Variants in RBMS3 observed in about 807,000 individuals in gnomAD.
RBMS3 encodes the protein RNA binding motif single stranded interacting protein 3.
Under a neutral mutation model 66.8 loss-of-function variants are expected in RBMS3, and 27 were observed. The observed-to-expected ratio is 0.40, with a 90% CI of 0.30 to 0.56. The LOEUF (loss-of-function observed/expected upper bound fraction) is 0.56, where lower values mean the gene tolerates loss of function less well. Among genes scored for constraint, RBMS3 ranks in the 20% least tolerant of loss-of-function variants. The probability of loss-of-function intolerance (pLI) is 0.40; values close to 1 mark genes in which losing one functional copy is unlikely to be tolerated. For synonymous variants in RBMS3, 188 were observed against 183.0 expected (o/e 1.03, Z -0.22); for missense variants, 513 against 549.5 (o/e 0.93, Z 0.66).
intron 1 of RBMS3, among the ~76,000 whole-genome samples, chr3:29,399,866 T>C (rs1442389705): frequency 6.6e-6 from 1 of 152,150 alleles, no homozygotes; most frequent in African/African-American, 2.4e-5. Context: ...CTAATTGTAT[T>C]TGTCACAGAT....
intron 4 of RBMS3, among the ~76,000 whole-genome samples, chr3:29,617,875 C>A (rs2048722346): frequency 6.6e-6 from 1 of 152,040 alleles, no homozygotes; most frequent in African/African-American, 2.4e-5. Context: ...GTAAACAAGG[C>A]AGAGAATGTC....
At chr3:29,367,493 A>G (rs142255164) in intron 1 of RBMS3, among the ~76,000 whole-genome samples, 1 of 152,254 alleles carries the variant, frequency 6.6e-6, no homozygotes, top group East Asian at 1.9e-4. Context: ...GATGTTTTTA[A>G]TACAACTCTC....
chr3:29,490,851 C>T (rs2043515904), intron 3 of RBMS3, among the ~76,000 whole-genome samples: 1 of 151,994 alleles, frequency 6.6e-6, no homozygotes, highest in Admixed American at 6.6e-5. Context: ...TCTAGACCTG[C>T]CCAACCCATA....
intron 1 of RBMS3, among the ~76,000 whole-genome samples, chr3:29,355,802 G>A (rs1432791225): frequency 1.3e-5 from 2 of 151,878 alleles, no homozygotes; most frequent in East Asian, 3.9e-4. Context: ...AGAATAATCT[G>A]CACAAAACAA....
intron 3 of RBMS3, among the ~76,000 whole-genome samples, chr3:29,513,114 G>C (rs1180239103): frequency 1.3e-5 from 2 of 152,098 alleles, no homozygotes; most frequent in African/African-American, 4.8e-5. Flanking sequence ...ACATCCTTTC[G>C]CATTTGACAT....
chr3:29,418,070 A>G (rs6767215), intron 1 of RBMS3, among the ~76,000 whole-genome samples: 2,798 of 152,218 alleles, frequency 0.018, 82 homozygotes, highest in African/African-American at 0.064. Context: ...AAAATAATCT[A>G]TATCATTAGG....
chr3:29,908,598 G>C (rs2060441385), intron 10 of RBMS3, among the ~76,000 whole-genome samples: 2 of 152,050 alleles, frequency 1.3e-5, no homozygotes, highest in Non-Finnish European at 2.9e-5. Flanking sequence ...CATAAAACTT[G>C]AGGAATATTT....
intron 3 of RBMS3, among the ~76,000 whole-genome samples, chr3:29,509,472 C>G (rs1296227742): frequency 1.3e-5 from 2 of 152,140 alleles, no homozygotes; most frequent in Non-Finnish European, 2.9e-5. Context: ...GTGAAAGAGA[C>G]AAGGAACTTG....
At chr3:29,311,666 A>G (rs540215150) in intron 1 of RBMS3, among the ~76,000 whole-genome samples, 1 of 151,964 alleles carries the variant, frequency 6.6e-6, no homozygotes, top group South Asian at 2.1e-4. Flanking sequence ...GGAAGCCACT[A>G]TAGAGTAATA....
chr3:29,650,177 A>C (rs1296330101), intron 4 of RBMS3, among the ~76,000 whole-genome samples: 1 of 152,216 alleles, frequency 6.6e-6, no homozygotes, highest in African/African-American at 2.4e-5. Context: ...AATATTTTAC[A>C]AACAGAAAAG....
In RBMS3 at chr3:29,522,164, G is replaced by A. The variant is rs149374217; in HGVS notation, c.307+33665G>A. 2.9e-3 allele frequency among the ~76,000 whole-genome samples: 446 copies of A among 152,182 alleles called. 1 individual carries two copies. The highest frequency in any genetic ancestry group is 9.7e-3 in the African/African-American group (405 of 41,540). ...TCTAGAGGAGCAATCCAGAGGTTAG[G>A]ATAACAGGGAACACTGGCCCACCTA... is the stretch of plus-strand genomic sequence containing the variant. On this transcript the variant is annotated intron_variant, in intron 3 of 14. Transcript: ENST00000383767.
At chr3:29,905,542 C>T (rs2060356452) in intron 10 of RBMS3, among the ~76,000 whole-genome samples, 1 of 152,016 alleles carries the variant, frequency 6.6e-6, no homozygotes, top group South Asian at 2.1e-4. Flanking sequence ...ATATTTATCA[C>T]ATAATAAAAT....
chr3:29,638,891 T>C (rs2049575132), intron 4 of RBMS3, among the ~76,000 whole-genome samples: 1 of 151,912 alleles, frequency 6.6e-6, no homozygotes, highest in Non-Finnish European at 1.5e-5. Context: ...ATTTTCTTAA[T>C]GTATATCGCT....
intron 3 of RBMS3, among the ~76,000 whole-genome samples, chr3:29,517,504 T>C (rs1441711629): frequency 2.0e-5 from 3 of 152,010 alleles, no homozygotes. Flanking sequence ...TTTGTATTTT[T>C]AGTAGAGACG....
At chr3:29,675,719 C>T (rs1037844015) in intron 4 of RBMS3, among the ~76,000 whole-genome samples, 1 of 152,142 alleles carries the variant, frequency 6.6e-6, no homozygotes. Flanking sequence ...GAATCAAAAC[C>T]ACAATGAGAT....
chr3:29,838,759 G>GAATGCAAAT (rs1257060422), intron 6 of RBMS3, among the ~76,000 whole-genome samples: 1 of 152,094 alleles, frequency 6.6e-6, no homozygotes, highest in Non-Finnish European at 1.5e-5. Flanking sequence ...TGGAAAAACT[G>GAATGCAAAT]AATGCAAATA....
intron 8 of RBMS3, among the ~76,000 whole-genome samples, chr3:29,888,034 A>G (rs1310420462): frequency 6.6e-6 from 1 of 151,692 alleles, no homozygotes; most frequent in Admixed American, 6.6e-5. Flanking sequence ...TCCACCTCAT[A>G]TTTCAGGTTA....
intron 4 of RBMS3, among the ~76,000 whole-genome samples, chr3:29,606,875 T>A (rs17023922): frequency 6.6e-6 from 1 of 152,016 alleles, no homozygotes; most frequent in South Asian, 2.1e-4. Context: ...TTTCTTTGAA[T>A]TGAAAATTTT....
At chr3:29,439,187 A>G (rs1046136806) in intron 2 of RBMS3, among the ~76,000 whole-genome samples, 13 of 152,296 alleles carry the variant, frequency 8.5e-5, no homozygotes, top group African/African-American at 3.1e-4. Context: ...ACACGAAAGG[A>G]CAAGATGATT....
Sources: gnomAD v4.1 joint callset for allele counts (sites outside exome capture counted in the v4.1 genomes callset) on GRCh38, gnomAD v4.1.1 for gene constraint, MANE v1.5 for transcripts, NCBI Gene and HGNC (gene_info 2026-07-23, HGNC 2026-07-21) for gene names.